The following GPBP1L1 variants were observed in gnomAD, a reference collection of about 807,000 sequenced individuals.
GPBP1L1 encodes the protein GC-rich promoter binding protein 1 like 1, also known as vasculin-like protein 1.
In GPBP1L1, 23 loss-of-function variants were observed where a neutral mutation model predicts 52.5. The observed-to-expected ratio is 0.44, with a 90% CI of 0.32 to 0.62. The LOEUF is 0.62. Ranked by LOEUF, GPBP1L1 falls within the 20% of genes least tolerant of loss-of-function variation. The pLI is 0.06. For synonymous variants in GPBP1L1, 243 were observed against 203.1 expected (o/e 1.20, Z -1.67); for missense variants, 596 against 579.3 (o/e 1.03, Z -0.30).
Position 45,686,414 on chromosome 1 carries a change from G to C in GPBP1L1, c.-1145C>G, listed in dbSNP as rs1645285928. On this transcript the variant is annotated splice_region_variant and 5_prime_UTR_variant, in exon 1 of 13. Coordinates refer to ENST00000355105, the MANE Select transcript of GPBP1L1 (RefSeq NM_021639.5). ...CCGTTTCCCAAACTCCCACTCACCG[G>C]GCAGCGGCGGAGCTATGGCCAGGGA... is the stretch of plus-strand genomic sequence containing the variant. 1 of 152,372 alleles carries C rather than the reference G, an allele frequency of 6.6e-6. No individual in the cohort carries two copies. Among genetic ancestry groups the C allele is most frequent in the Non-Finnish European group, 1.5e-5 (1 of 68,152 alleles). 9.4% of individuals were successfully genotyped at this position (152,372 alleles called of 1,614,324 possible).
intron 6 of GPBP1L1, among the ~76,000 whole-genome samples, chr1:45,645,035 T>C (rs1358081482): frequency 6.6e-6 from 1 of 152,214 alleles, no homozygotes; most frequent in East Asian, 1.9e-4. Context: ...TATTAATTGA[T>C]GCATAAAACT....
chr1:45,659,075 C>T lies in GPBP1L1; in HGVS notation c.13G>A (p.Asp5Asn). The change falls in exon 4 of 13, where the codon GAT (aspartate) becomes AAT (asparagine). Residue 5 changes from aspartate to asparagine, a missense_variant. Asp to Asn is a conservative substitution (Grantham distance 23). Coordinates refer to ENST00000355105, the MANE Select transcript of GPBP1L1 (RefSeq NM_021639.5). The stretch of plus-strand genomic sequence containing the variant: ...AAATTTAGCCAAGCAGGAACAAAAT[C>T]ATGCTGCGCCATTTAGGTCCAGTGT... MAQH[D>N]FVPAWLNFST... The T allele has an allele frequency of 6.2e-7, 1 of 1,614,162 alleles. No individual in the cohort carries two copies. Among genetic ancestry groups the T allele is most frequent in the Non-Finnish European group, 8.5e-7 (1 of 1,179,994 alleles).
chr1:45,650,922 T>C (rs1644811497), intron 6 of GPBP1L1: 1 of 296,320 alleles, frequency 3.4e-6, no homozygotes, highest in Admixed American at 4.0e-5. Flanking sequence ...CCTTCTGCTT[T>C]CTCTCTTCAA....
At chr1:45,656,866 G>A (rs930245335) in intron 4 of GPBP1L1, among the ~76,000 whole-genome samples, 1 of 151,146 alleles carries the variant, frequency 6.6e-6, no homozygotes, top group Non-Finnish European at 1.5e-5. Flanking sequence ...AATTTTTCTT[G>A]TAGAGACAAG....
chr1:45,651,650 TAGCAGGGCCATTTCACAA>T (rs1268507542), intron 6 of GPBP1L1: 2 of 681,184 alleles, frequency 2.9e-6, no homozygotes, highest in African/African-American at 3.6e-5. Flanking sequence ...CAACCTGATA[TAGCAGGGCCATTTCACAA>T]AGCAGGTGAG....
Position 45,659,098 on chromosome 1 carries a change from T to C in GPBP1L1, c.-11A>G, listed in dbSNP as rs1340804810. On this transcript the variant is annotated 5_prime_UTR_variant, in exon 4 of 13. Coordinates refer to ENST00000355105, the MANE Select transcript of GPBP1L1 (RefSeq NM_021639.5). ...ATCATGCTGCGCCATTTAGGTCCAG[T>C]GTCTCCTTTCAGTAAGGTGAGGCAT... 6.2e-7 allele frequency: 1 copy of C among 1,614,088 alleles called. No homozygotes were observed. The highest frequency in any genetic ancestry group is 1.1e-5 in the South Asian group (1 of 91,078).
At chr1:45,653,205 A>G (rs1644839779) in intron 6 of GPBP1L1, among the ~76,000 whole-genome samples, 1 of 152,142 alleles carries the variant, frequency 6.6e-6, no homozygotes, top group African/African-American at 2.4e-5. Context: ...AACTGATGAA[A>G]TGGCTATAAC....
At chr1:45,636,543 C>A (rs1412588404) in intron 8 of GPBP1L1, among the ~76,000 whole-genome samples, 1 of 152,164 alleles carries the variant, frequency 6.6e-6, no homozygotes, top group Non-Finnish European at 1.5e-5. Context: ...GGTTCCTTTA[C>A]TCCAAACATA....
intron 2 of GPBP1L1, among the ~76,000 whole-genome samples, chr1:45,664,271 G>C (rs911261387): frequency 1.3e-4 from 19 of 151,998 alleles, no homozygotes; most frequent in Non-Finnish European, 2.8e-4. Flanking sequence ...AGTGAACCGA[G>C]ATCGTTGCCA....
At chr1:45,682,130 T>C (rs1204992815) in intron 2 of GPBP1L1, among the ~76,000 whole-genome samples, 2 of 152,162 alleles carry the variant, frequency 1.3e-5, no homozygotes, top group South Asian at 2.1e-4. Flanking sequence ...AATTAAAAAG[T>C]AGAAAAATTT....
Position 45,642,515 on chromosome 1 carries a change from T to A in GPBP1L1, c.478-16A>T. 1 of 1,604,724 alleles carries A rather than the reference T, an allele frequency of 6.2e-7. No individual in the cohort carries two copies. Among genetic ancestry groups the A allele is most frequent in the East Asian group, 2.2e-5 (1 of 44,828 alleles). ...TCAAGGAAGGCTAGGAAAAAAGGGA[T>A]ATGAATGGTTGATACAGAAAGCTGA... On this transcript the variant is annotated splice_polypyrimidine_tract_variant and intron_variant, in intron 6 of 12. Coordinates refer to ENST00000355105, the MANE Select transcript of GPBP1L1 (RefSeq NM_021639.5).
chr1:45,659,957 A>T (rs1644929465), intron 3 of GPBP1L1, among the ~76,000 whole-genome samples: 1 of 152,162 alleles, frequency 6.6e-6, no homozygotes. Flanking sequence ...GGGGAAAAAA[A>T]GATCTTCCTA....
At chr1:45,665,215 G>A (rs923144886) in intron 2 of GPBP1L1, among the ~76,000 whole-genome samples, 1 of 151,938 alleles carries the variant, frequency 6.6e-6, no homozygotes, top group East Asian at 2.0e-4. Flanking sequence ...GCTTGAACTC[G>A]GGAGGTTGAA....
chr1:45,638,878 A>G (rs571781266), intron 8 of GPBP1L1, among the ~76,000 whole-genome samples: 8 of 152,374 alleles, frequency 5.3e-5, no homozygotes, highest in South Asian at 4.1e-4. Context: ...AAAAGGGGCA[A>G]TAAGATGCAA....
chr1:45,632,182 T>C (rs193177598), intron 10 of GPBP1L1, among the ~76,000 whole-genome samples: 8 of 152,334 alleles, frequency 5.3e-5, no homozygotes, highest in Admixed American at 1.3e-4. Context: ...AGGAAGCAGG[T>C]TGGCCTTCCT....
chr1:45,643,507 C>T (rs535857165), intron 6 of GPBP1L1, among the ~76,000 whole-genome samples: 1 of 151,796 alleles, frequency 6.6e-6, no homozygotes, highest in African/African-American at 2.4e-5. Flanking sequence ...TTCCATAGTC[C>T]GGGAGGGTAA....
chr1:45,648,191 C>T (rs376013185), intron 6 of GPBP1L1, among the ~76,000 whole-genome samples: 2 of 152,270 alleles, frequency 1.3e-5, no homozygotes, highest in Non-Finnish European at 1.5e-5. Flanking sequence ...CGCCCTGCCT[C>T]GACCTCCCAA....
intron 2 of GPBP1L1, among the ~76,000 whole-genome samples, chr1:45,680,235 CTTTT>C (rs58188753): frequency 3.8e-5 from 5 of 130,138 alleles, no homozygotes; most frequent in Admixed American, 7.8e-5. Context: ...TTGAGACACG[CTTTT>C]TTTTTTTTTT....
At chr1:45,684,258 CAAAAAAAA>C (rs60624036) in intron 2 of GPBP1L1, among the ~76,000 whole-genome samples, 4 of 88,478 alleles carry the variant, frequency 4.5e-5, no homozygotes, top group Admixed American at 1.5e-4. Flanking sequence ...AACTCCGTCT[CAAAAAAAA>C]AAAAAAAAAA....
Sources: allele counts gnomAD v4.1 joint callset (sites outside exome capture counted in the v4.1 genomes callset), GRCh38; gene constraint gnomAD v4.1.1; transcripts MANE v1.5; gene names NCBI Gene and HGNC (gene_info 2026-07-23, HGNC 2026-07-21).